KIAA1328: variants seen among roughly 807,000 people sequenced by gnomAD.
KIAA1328 encodes the protein protein hinderin.
Under a neutral mutation model 68.1 loss-of-function variants are expected in KIAA1328, and 52 were observed. That is an observed-to-expected ratio of 0.76 (90% CI 0.61 to 0.96). KIAA1328 has a LOEUF of 0.96. Ranked by LOEUF, KIAA1328 falls within the 40% of genes least tolerant of loss-of-function variation. KIAA1328 has a pLI of 0.00. For synonymous variants in KIAA1328, 232 were observed against 239.4 expected (o/e 0.97, Z 0.28); for missense variants, 641 against 677.6 (o/e 0.95, Z 0.60).
At position 36,896,876 on chromosome 18, in the gene KIAA1328, T is replaced by A. The variant is rs138241313; in HGVS notation, c.448+11204T>A. Among the ~76,000 whole-genome samples, 673 of 152,288 alleles carry A rather than the reference T, an allele frequency of 4.4e-3. 6 individuals carry two copies. Among genetic ancestry groups the A allele is most frequent in the African/African-American group, 0.015 (636 of 41,570 alleles). On this transcript the variant is annotated intron_variant, in intron 5 of 9. Transcript: ENST00000280020. ...GCCATACCACAGCTTGTAATTGCTTTACATTTGAAGAATATAGTGAGTGAC... is the reference window on the plus strand; with the variant it reads ...GCCATACCACAGCTTGTAATTGCTTAACATTTGAAGAATATAGTGAGTGAC...
At position 37,223,107 on chromosome 18, in the gene KIAA1328, G is replaced by A. The variant is rs1786059; in HGVS notation, c.*880G>A. ...GTGAACTTTCCATGGTTATGTCTAC[G>A]GAAAATGCCACTAGAGAGAGAGTGA... On this transcript the variant is annotated 3_prime_UTR_variant, in exon 10 of 10. Transcript: ENST00000280020. The A allele has an allele frequency of 0.31, 295,881 of 963,792 alleles. 45,804 individuals are homozygous for A. The highest frequency in any genetic ancestry group is 0.47 in the South Asian group (9,635 of 20,542). The allele number at this position is 963,792 out of a possible 1,614,324, so 59.7% of individuals were successfully genotyped here. A position where few individuals can be genotyped will look rare whatever the true frequency, so the allele number is the denominator to read the frequency against.
At chr18:36,969,940 C>A (rs1266072680) in intron 6 of KIAA1328, among the ~76,000 whole-genome samples, 1 of 152,176 alleles carries the variant, frequency 6.6e-6, no homozygotes, top group East Asian at 1.9e-4. Flanking sequence ...AGAGGGACTC[C>A]TCCCTAACTC....
At chr18:36,914,315 G>A (rs1176473113) in intron 5 of KIAA1328, among the ~76,000 whole-genome samples, 2 of 152,268 alleles carry the variant, frequency 1.3e-5, no homozygotes, top group East Asian at 1.9e-4. Context: ...GACCTGGTGG[G>A]AGAAGAGGAT....
At chr18:36,937,750 T>TC (rs775519093) in intron 5 of KIAA1328, among the ~76,000 whole-genome samples, 19 of 152,112 alleles carry the variant, frequency 1.2e-4, no homozygotes, top group Non-Finnish European at 2.5e-4. Context: ...ATCCTTTTTT[T>TC]CCCTTCATTC....
intron 6 of KIAA1328, among the ~76,000 whole-genome samples, chr18:37,064,546 C>G (rs1049046404): frequency 2.8e-5 from 4 of 145,168 alleles, no homozygotes; most frequent in Non-Finnish European, 4.5e-5. Flanking sequence ...ACCCCCCCCC[C>G]CAAATATGAC....
intron 7 of KIAA1328, among the ~76,000 whole-genome samples, chr18:37,071,057 C>CTTTTTTTTTTTTTTTTTTTTTTTTTTTT (rs58722044): frequency 1.0e-4 from 9 of 86,846 alleles, no homozygotes; most frequent in Admixed American, 2.6e-4. Context: ...TTTTTTCTTC[C>CTTTTTTTTTTTTTTTTTTTTTTTTTTTT]TTTTTTTTTT....
chr18:36,901,467 G>C (rs1220939851), intron 5 of KIAA1328, among the ~76,000 whole-genome samples: 5 of 152,024 alleles, frequency 3.3e-5, no homozygotes, highest in Non-Finnish European at 5.9e-5. Context: ...TGTGAATGCT[G>C]TCAGTCAGAT....
At chr18:37,155,235 A>G (rs111643079) in intron 7 of KIAA1328, among the ~76,000 whole-genome samples, 3 of 152,320 alleles carry the variant, frequency 2.0e-5, no homozygotes, top group African/African-American at 7.2e-5. Context: ...AAATTGAAGC[A>G]TATTCTTTCT....
rs1412980023 is a variant in KIAA1328, at chr18:37,125,981, G to A, written c.1233-34219G>A. On this transcript the variant is annotated intron_variant, in intron 7 of 9. Coordinates refer to ENST00000280020, the MANE Select transcript of KIAA1328 (RefSeq NM_020776.3). ...TACTGTTAAGTACTTGTGCGTGAAT[G>A]TGTGCAAAAAATGATTGCTTATCAG... Among the ~76,000 whole-genome samples the A allele has an allele frequency of 2.0e-5, 3 of 152,146 alleles. No individual in the cohort carries two copies. In the East Asian group the frequency reaches 5.8e-4, roughly 29 times the overall value.
intron 7 of KIAA1328, among the ~76,000 whole-genome samples, chr18:37,067,930 A>T (rs2056403500): frequency 6.6e-6 from 1 of 152,206 alleles, no homozygotes; most frequent in African/African-American, 2.4e-5. Context: ...ATACTATAGC[A>T]GATGGGTAGA....
chr18:37,129,725 T>C (rs1227896504), intron 7 of KIAA1328, among the ~76,000 whole-genome samples: 2 of 152,162 alleles, frequency 1.3e-5, no homozygotes, highest in South Asian at 2.1e-4. Flanking sequence ...ATGATACTTA[T>C]TGGTTTTTAG....
In KIAA1328 at chr18:37,223,916, A is replaced by G. The variant is rs2060606066; in HGVS notation, c.*1689A>G. On this transcript the variant is annotated 3_prime_UTR_variant, in exon 10 of 10. Transcript: ENST00000280020. ...AATATAAAGTCAAGACTAACTAGTT[A>G]TAATCATTCCCTTAAAAAGTTGGAA... 4 of 983,080 alleles carry G rather than the reference A, an allele frequency of 4.1e-6. No individual in the cohort carries two copies. Among genetic ancestry groups the G allele is most frequent in the Non-Finnish European group, 4.8e-6 (4 of 827,812 alleles). 60.9% of individuals were successfully genotyped at this position (983,080 alleles called of 1,614,324 possible). A position where few individuals can be genotyped will look rare whatever the true frequency, so the allele number is the denominator to read the frequency against.
intron 4 of KIAA1328, among the ~76,000 whole-genome samples, chr18:36,877,876 C>T (rs372045203): frequency 8.3e-4 from 126 of 151,904 alleles, no homozygotes; most frequent in African/African-American, 2.8e-3. Context: ...ACCATGTTAG[C>T]CAGGATGGTC....
intron 6 of KIAA1328, among the ~76,000 whole-genome samples, chr18:37,052,374 C>T (rs1285371106): frequency 7.2e-5 from 11 of 152,072 alleles, no homozygotes; most frequent in Admixed American, 7.2e-4. Flanking sequence ...GACAAATACA[C>T]CGCAAACATC....
intron 9 of KIAA1328, among the ~76,000 whole-genome samples, chr18:37,183,072 A>G (rs373665861): frequency 2.0e-5 from 3 of 152,130 alleles, no homozygotes; most frequent in East Asian, 1.9e-4. Context: ...AAATTTTCCA[A>G]TGTTTTGAGA....
chr18:36,965,345 A>G (rs911906705), intron 6 of KIAA1328, among the ~76,000 whole-genome samples: 1 of 151,768 alleles, frequency 6.6e-6, no homozygotes, highest in East Asian at 2.0e-4. Context: ...TCTGAAATGT[A>G]CTAAAGATGG....
chr18:36,910,888 C>T (rs112529487), intron 5 of KIAA1328, among the ~76,000 whole-genome samples: 15 of 152,064 alleles, frequency 9.9e-5, no homozygotes, highest in Admixed American at 2.0e-4. Flanking sequence ...TTTCTGTCAT[C>T]GTCATGAGAA....
chr18:36,873,702 A>G (rs1013857678), intron 4 of KIAA1328, among the ~76,000 whole-genome samples: 2 of 151,992 alleles, frequency 1.3e-5, no homozygotes, highest in Non-Finnish European at 2.9e-5. Context: ...TTTATTTTTT[A>G]TTATACTTTA....
chr18:37,115,480 A>C (rs902063805), intron 7 of KIAA1328, among the ~76,000 whole-genome samples: 1 of 152,034 alleles, frequency 6.6e-6, no homozygotes, highest in Non-Finnish European at 1.5e-5. Flanking sequence ...CATGCTAAAA[A>C]CTCTCAATAA....
Sources: gnomAD v4.1 joint callset for allele counts (sites outside exome capture counted in the v4.1 genomes callset) on GRCh38, gnomAD v4.1.1 for gene constraint, MANE v1.5 for transcripts, NCBI Gene and HGNC (gene_info 2026-07-23, HGNC 2026-07-21) for gene names.